PAPPA2: variants seen among roughly 807,000 people sequenced by gnomAD.
The protein encoded by PAPPA2 is pappalysin 2.
Under a neutral mutation model 176.4 loss-of-function variants are expected in PAPPA2, and 86 were observed. That is an observed-to-expected ratio of 0.49 (90% CI 0.41 to 0.58). The LOEUF (loss-of-function observed/expected upper bound fraction) is 0.58. Among genes scored for constraint, PAPPA2 ranks in the 20% least tolerant of loss-of-function variants. The probability of loss-of-function intolerance (pLI) is 0.00; values close to 1 mark genes in which losing one functional copy is unlikely to be tolerated. For missense variants in PAPPA2, 2,073 were observed against 2,256.9 expected, an observed-to-expected ratio of 0.92 and a Z score of 1.65; for synonymous variants, 809 against 852.2, an observed-to-expected ratio of 0.95 and a Z score of 0.88.
intron 3 of PAPPA2, among the ~76,000 whole-genome samples, chr1:176,598,041 T>C (rs984388531): frequency 6.6e-6 from 1 of 152,176 alleles, no homozygotes; most frequent in Non-Finnish European, 1.5e-5. Context: ...TAAGTGACTC[T>C]TTTACCCCCC....
chr1:176,809,256 A>G (rs1666040275), intron 21 of PAPPA2, among the ~76,000 whole-genome samples: 1 of 152,214 alleles, frequency 6.6e-6, no homozygotes, highest in Non-Finnish European at 1.5e-5. Context: ...TGTCATTATC[A>G]TCTGACTACT....
chr1:176,552,399 C>A (rs929632388), intron 1 of PAPPA2, among the ~76,000 whole-genome samples: 1 of 143,634 alleles, frequency 7.0e-6, no homozygotes, highest in Admixed American at 7.2e-5. Flanking sequence ...CTCTTTTCTT[C>A]CCCCCTTACC....
intron 17 of PAPPA2, among the ~76,000 whole-genome samples, chr1:176,776,940 T>G (rs10913247): frequency 0.41 from 62,459 of 151,458 alleles, 14,274 homozygotes; most frequent in African/African-American, 0.6. Context: ...ATTCAGTGTG[T>G]TTAAGTAGCC....
chr1:176,750,552 C>A (rs562156158), intron 14 of PAPPA2, among the ~76,000 whole-genome samples: 1 of 152,192 alleles, frequency 6.6e-6, no homozygotes, highest in Admixed American at 6.5e-5. Flanking sequence ...TTGCAGTGAA[C>A]CGAGATCGCA....
At chr1:176,711,519 C>T (rs1174688379) in intron 11 of PAPPA2, among the ~76,000 whole-genome samples, 6 of 152,102 alleles carry the variant, frequency 3.9e-5, no homozygotes, top group South Asian at 2.1e-4. Flanking sequence ...CATCATCACC[C>T]CAGACAGACT....
intron 1 of PAPPA2, among the ~76,000 whole-genome samples, chr1:176,503,393 A>G (rs1406342725): frequency 6.6e-6 from 1 of 152,120 alleles, no homozygotes; most frequent in African/African-American, 2.4e-5. Context: ...CCCATTTACA[A>G]TCTTAATTCT....
At chr1:176,793,696 C>A in intron 20 of PAPPA2, 27 bp downstream of exon 20, 2 of 1,521,326 alleles carry the variant, frequency 1.3e-6, no homozygotes, top group Non-Finnish European at 9.0e-7. Context: ...TGTTATGTGC[C>A]AAAGACATGA....
intron 2 of PAPPA2, among the ~76,000 whole-genome samples, chr1:176,567,638 C>T (rs1211593105): frequency 6.6e-6 from 1 of 152,156 alleles, no homozygotes; most frequent in Non-Finnish European, 1.5e-5. Flanking sequence ...GGAGTTATGC[C>T]TGGAAGGTGC....
chr1:176,791,216 T>C, intron 18 of PAPPA2, 131 bp from the exon 19 acceptor site: 1 of 231,260 alleles, frequency 4.3e-6, no homozygotes, highest in Non-Finnish European at 7.2e-6. Context: ...AGTAACAATA[T>C]GTTGTTTCAA....
At position 176,843,273 on chromosome 1, in the gene PAPPA2, G is replaced by T. The variant is rs1667549408; in HGVS notation, c.*819G>T. 6.6e-6 allele frequency: 1 copy of T among 152,046 alleles called. No individual in the cohort carries two copies. The highest frequency in any genetic ancestry group is 2.4e-5 in the African/African-American group (1 of 41,382). 9.4% of individuals were successfully genotyped at this position (152,046 alleles called of 1,614,324 possible). A position where few individuals can be genotyped will look rare whatever the true frequency, so the allele number is the denominator to read the frequency against. On this transcript the variant is annotated 3_prime_UTR_variant, in exon 23 of 23. Coordinates refer to ENST00000367662, the MANE Select transcript of PAPPA2 (RefSeq NM_020318.3). Reference sequence around the variant, plus strand: ...GACCTGGGAGCTGGGCCCATTTTATGACCAAGGAGATGGGGAGTTGGAATG... The same window carrying T: ...GACCTGGGAGCTGGGCCCATTTTATTACCAAGGAGATGGGGAGTTGGAATG...
Position 176,544,093 on chromosome 1 carries a change from C to T in PAPPA2, c.-916-11314C>T, listed in dbSNP as rs145249077. Among the ~76,000 whole-genome samples the T allele has an allele frequency of 7.1e-4, 108 of 152,270 alleles. No homozygotes were observed. In the Middle Eastern group the frequency reaches 0.01, roughly 14 times the overall value. ...CATTTCCCTAGTGTGTCCCCAGTTT[C>T]CTCACCTCTAGATGCTGGACTTTCA... On this transcript the variant is annotated intron_variant, in intron 1 of 22. Coordinates refer to ENST00000367662, the MANE Select transcript of PAPPA2 (RefSeq NM_020318.3).
Position 176,692,135 on chromosome 1 carries a change from G to A in PAPPA2, c.2441G>A (p.Cys814Tyr). ...TTTTTTGTCTCCACAGATGATAACT[G>A]CACTGACAACTTCACTCCTAACCAA... ...TNYMSYTDDN[C>Y]TDNFTPNQVA... is the part of the protein sequence containing the mutation. The change falls in exon 6 of 23, where the codon TGC becomes TAC. Residue 814 changes from cysteine (C) to tyrosine (Y), a missense_variant. Physicochemically the swap from Cys to Tyr is radical, Grantham distance 194. Transcript: ENST00000367662. 1 of 1,613,158 alleles carries A rather than the reference G, an allele frequency of 6.2e-7. No individual in the cohort carries two copies. Among genetic ancestry groups the A allele is most frequent in the Non-Finnish European group, 8.5e-7 (1 of 1,179,432 alleles).
At position 176,789,843 on chromosome 1, in the gene PAPPA2, A is replaced by G. The variant is rs1665096952; in HGVS notation, c.4750A>G (p.Ile1584Val). ...LLKIQCLEGGIWEQGSCIPVV... is the reference protein window; with the variant it reads ...LLKIQCLEGGVWEQGSCIPVV... ...GAAGATACAATGCCTGGAAGGTGGAATCTGGGAGCAAGGCAGCTGCATTCC... is the reference window on the plus strand; with the variant it reads ...GAAGATACAATGCCTGGAAGGTGGAGTCTGGGAGCAAGGCAGCTGCATTCC... Residue 1584 changes from isoleucine (I) to valine (V), a missense_variant, in exon 18 of 23, where the codon ATC (isoleucine) becomes GTC (valine). Coordinates refer to ENST00000367662, the MANE Select transcript of PAPPA2 (RefSeq NM_020318.3). 1 of 1,613,942 alleles carries G rather than the reference A, an allele frequency of 6.2e-7. No individual in the cohort carries two copies. The highest frequency in any genetic ancestry group is 1.7e-5 in the Admixed American group (1 of 60,006).
intron 20 of PAPPA2, among the ~76,000 whole-genome samples, chr1:176,795,570 GA>G (rs1441231737): frequency 4.6e-5 from 7 of 152,166 alleles, no homozygotes. Context: ...ATTTCATGGA[GA>G]ATTTTTTTAA....
In PAPPA2 at chr1:176,678,446, G is replaced by T. The variant is rs11804946; in HGVS notation, c.2137+7331G>T. On this transcript the variant is annotated intron_variant, in intron 4 of 22. Transcript: ENST00000367662. ...GGTCATTTACTTTTTTTTTTTTAAA[G>T]GAGCATGGAAAGTTTTTATTGTTCT... 7.3e-4 allele frequency among the ~76,000 whole-genome samples: 110 copies of T among 149,874 alleles called. 2 individuals are homozygous for T. The highest frequency in any genetic ancestry group is 2.5e-3 in the African/African-American group (101 of 40,796).
At chr1:176,525,478 A>T (rs1161976451) in intron 1 of PAPPA2, among the ~76,000 whole-genome samples, 1 of 152,218 alleles carries the variant, frequency 6.6e-6, no homozygotes, top group African/African-American at 2.4e-5. Context: ...GATTTCTTTC[A>T]GTACCTTAGG....
intron 12 of PAPPA2, among the ~76,000 whole-genome samples, chr1:176,737,836 C>G (rs1023374792): frequency 1.2e-4 from 18 of 152,052 alleles, no homozygotes; most frequent in Admixed American, 6.6e-5. Flanking sequence ...TAAGGCCTAC[C>G]TTTATTAACT....
intron 3 of PAPPA2, among the ~76,000 whole-genome samples, chr1:176,600,904 G>A (rs1377033563): frequency 1.3e-5 from 2 of 152,102 alleles, no homozygotes; most frequent in Non-Finnish European, 2.9e-5. Context: ...CGAATGCAAG[G>A]GTTGATGTAT....
chr1:176,814,356 T>A (rs1360052186), intron 21 of PAPPA2, among the ~76,000 whole-genome samples: 2 of 152,222 alleles, frequency 1.3e-5, no homozygotes, highest in African/African-American at 2.4e-5. Flanking sequence ...TAGCATTGAA[T>A]CTATGAATTA....
Sources: gnomAD v4.1 joint callset for allele counts (sites outside exome capture counted in the v4.1 genomes callset) on GRCh38, gnomAD v4.1.1 for gene constraint, MANE v1.5 for transcripts, NCBI Gene and HGNC (gene_info 2026-07-23, HGNC 2026-07-21) for gene names.